The following STMN1 variants were observed in gnomAD, a reference collection of about 807,000 sequenced individuals.
STMN1 encodes stathmin 1.
A neutral mutation model predicts 19.7 loss-of-function variants in STMN1; 3 were observed. That is an observed-to-expected ratio of 0.15 (90% CI 0.07 to 0.39). The LOEUF is 0.39. STMN1 is among the 10% of genes least tolerant of loss of function. STMN1 has a pLI of 1.00. For missense variants in STMN1, 99 were observed against 176.0 expected, an observed-to-expected ratio of 0.56 and a Z score of 2.48; for synonymous variants, 59 against 58.9, an observed-to-expected ratio of 1.00 and a Z score of -0.01.
chr1:25,904,157 A>AT (rs924157969), intron 2 of STMN1, among the ~76,000 whole-genome samples: 2 of 151,982 alleles, frequency 1.3e-5, no homozygotes, highest in African/African-American at 4.8e-5. Flanking sequence ...TACAAAAAAA[A>AT]TTTTTTTTGA....
downstream of STMN1, among the ~76,000 whole-genome samples, chr1:25,896,849 G>T (rs966228958): frequency 1.3e-5 from 2 of 152,156 alleles, no homozygotes; most frequent in Non-Finnish European, 2.9e-5. Context: ...AAGAGACTTG[G>T]CTCACCAGCA....
chr1:25,887,045 T>A (rs1419394807), intron 4 of STMN1, among the ~76,000 whole-genome samples: 2 of 152,152 alleles, frequency 1.3e-5, no homozygotes, highest in Non-Finnish European at 1.5e-5. Flanking sequence ...CTGATTATCC[T>A]ACCAGACCCA....
chr1:25,885,396 T>C, downstream of STMN1: 1 of 181,940 alleles, frequency 5.5e-6, no homozygotes, highest in Non-Finnish European at 1.1e-5. Flanking sequence ...AGGTCCCACT[T>C]GCCACGCACA....
At chr1:25,897,618 G>A (rs1366543231), downstream of STMN1, among the ~76,000 whole-genome samples, 1 of 152,094 alleles carries the variant, frequency 6.6e-6, no homozygotes, top group African/African-American at 2.4e-5. Flanking sequence ...TGAATAGTAG[G>A]GCTTTCATTT....
chr1:25,901,748 G>C (rs768522950), intron 3 of STMN1, 66 bp from the exon 4 acceptor site: 27 of 1,489,430 alleles, frequency 1.8e-5, no homozygotes, highest in Non-Finnish European at 2.3e-5. Flanking sequence ...GGTGGCTCAC[G>C]CCTGTAATCC....
In STMN1 at chr1:25,906,147, C is replaced by G. The variant is rs1331638594; in HGVS notation, c.-63+242G>C. ...TCGACGGCACCCCGGAGCGGACGCC[C>G]GGTGATCGCCCAGCCCCCTGCCCAC... On this transcript the variant is annotated intron_variant, in intron 1 of 4. Coordinates refer to ENST00000455785, the MANE Select transcript of STMN1 (RefSeq NM_005563.4). This position sits in a 1 kb window ranked among gnomAD's most constrained non-coding sequence, Gnocchi z 4.5. The G allele has an allele frequency of 6.6e-6, 1 of 152,296 alleles. No homozygotes were observed. The highest frequency in any genetic ancestry group is 1.5e-5 in the Non-Finnish European group (1 of 68,138). 9.4% of individuals were successfully genotyped at this position (152,296 alleles called of 1,614,324 possible).
At position 25,885,728 on chromosome 1, in the gene STMN1, G is replaced by C. The variant is rs138134914; in HGVS notation, c.520C>G (p.His174Asp). The C allele has an allele frequency of 3.9e-4, 608 of 1,550,528 alleles. 3 individuals carry two copies. In the African/African-American group the frequency reaches 7.9e-3, roughly 20 times the overall value. The change falls in exon 5 of 5, where the codon CAC (histidine) becomes GAC (aspartate). Residue 174 changes from histidine (H) to aspartate (D), a missense_variant. His to Asp is a moderately conservative substitution (Grantham distance 81). Coordinates refer to the STMN1 transcript ENST00000426559. ...AGCAAATATTTATTAAGTACCTAGT[G>C]ATGGTGAGAGAGATCAGACCAGGTA...
chr1:25,892,094 T>C (rs2048780689), intron 4 of STMN1, among the ~76,000 whole-genome samples: 1 of 152,196 alleles, frequency 6.6e-6, no homozygotes, highest in African/African-American at 2.4e-5. Flanking sequence ...AAAATTAAAA[T>C]TAAAAATAAA....
upstream of STMN1, chr1:25,906,599 C>G (rs1166519933): frequency 2.6e-5 from 4 of 152,308 alleles, no homozygotes; most frequent in East Asian, 7.8e-4. The surrounding 1 kb of genome is among the most constrained non-coding windows in gnomAD (Gnocchi z 4.5). Context: ...TCCCGGAGGG[C>G]AGGAGGACAA....
chr1:25,891,376 C>A (rs2048774192), intron 4 of STMN1, among the ~76,000 whole-genome samples: 2 of 150,962 alleles, frequency 1.3e-5, no homozygotes, highest in African/African-American at 2.4e-5. Flanking sequence ...AATGCCTATA[C>A]AATGCACGGC....
At chr1:25,891,630 G>A (rs532678843) in intron 4 of STMN1, among the ~76,000 whole-genome samples, 25 of 152,284 alleles carry the variant, frequency 1.6e-4, no homozygotes, top group African/African-American at 5.5e-4. Flanking sequence ...TTTTACAAAC[G>A]TTCTGCATCT....
downstream of STMN1, among the ~76,000 whole-genome samples, chr1:25,897,681 G>T (rs897877067): frequency 8.5e-5 from 13 of 152,186 alleles, no homozygotes; most frequent in African/African-American, 2.9e-4. Flanking sequence ...CGGGCAACGA[G>T]GGGATGCTGA....
At chr1:25,890,061 C>T (rs1234891917) in intron 4 of STMN1, among the ~76,000 whole-genome samples, 1 of 152,198 alleles carries the variant, frequency 6.6e-6, no homozygotes, top group Non-Finnish European at 1.5e-5. Flanking sequence ...CCTTGTCTGC[C>T]TTGTCCATCG....
chr1:25,892,128 G>A (rs758667337), intron 4 of STMN1, among the ~76,000 whole-genome samples: 9 of 152,204 alleles, frequency 5.9e-5, no homozygotes, highest in Non-Finnish European at 7.3e-5. Flanking sequence ...TGTGGCTCAC[G>A]CCTGTAATCC....
At chr1:25,887,739 T>A (rs557560121) in intron 4 of STMN1, 32 of 175,534 alleles carry the variant, frequency 1.8e-4, no homozygotes, top group Non-Finnish European at 3.2e-4. Context: ...CAGGCTGGAC[T>A]GTAATGGCGC....
intron 3 of STMN1, chr1:25,903,341 G>A: frequency 3.6e-6 from 1 of 281,448 alleles, no homozygotes; most frequent in Non-Finnish European, 6.8e-6. Flanking sequence ...ACCAGGGCTT[G>A]AATTCTGACC....
rs2048864291 is a variant in STMN1 at position 25,900,896 on chromosome 1, T to C, written c.*120A>G. 20 of 1,558,444 alleles carry C rather than the reference T, an allele frequency of 1.3e-5. No homozygotes were observed. Among genetic ancestry groups the C allele is most frequent in the Admixed American group, 1.9e-5 (1 of 51,462 alleles). On this transcript the variant is annotated 3_prime_UTR_variant, in exon 5 of 5. Transcript: ENST00000455785. ...TACAGTCTGGATCTGGATCTACCTATACAGTCCTACATTAGCTTCTAAAAT... is the reference window on the plus strand; with the variant it reads ...TACAGTCTGGATCTGGATCTACCTACACAGTCCTACATTAGCTTCTAAAAT...
downstream of STMN1, among the ~76,000 whole-genome samples, chr1:25,898,624 G>A: frequency 6.6e-6 from 1 of 152,202 alleles, no homozygotes; most frequent in Non-Finnish European, 1.5e-5. Flanking sequence ...TCAACCATAA[G>A]GCCCAAGTAC....
At chr1:25,894,375 G>A (rs918161541) in intron 4 of STMN1, among the ~76,000 whole-genome samples, 3 of 151,978 alleles carry the variant, frequency 2.0e-5, no homozygotes, top group Admixed American at 6.6e-5. Flanking sequence ...CAACAGAAAC[G>A]CTGGCTTAAA....
Sources: allele counts gnomAD v4.1 joint callset (sites outside exome capture counted in the v4.1 genomes callset), GRCh38; gene constraint gnomAD v4.1.1; non-coding constraint Gnocchi (gnomAD v3.1); transcripts MANE v1.5; gene names NCBI Gene and HGNC (gene_info 2026-07-23, HGNC 2026-07-21).